The following MACROD2 variants were observed in gnomAD, a reference collection of about 807,000 sequenced individuals.
The protein encoded by MACROD2 is ADP-ribose glycohydrolase MACROD2.
A neutral mutation model predicts 70.4 loss-of-function variants in MACROD2; 36 were observed. The observed-to-expected ratio is 0.51, with a 90% confidence interval of 0.39 to 0.68. The LOEUF (loss-of-function observed/expected upper bound fraction) is 0.68, where lower values mean the gene tolerates loss of function less well. Among genes scored for constraint, MACROD2 ranks in the 30% least tolerant of loss-of-function variants. The pLI is 0.00. For missense variants in MACROD2, 496 were observed against 538.4 expected, an observed-to-expected ratio of 0.92 and a Z score of 0.78; for synonymous variants, 172 against 178.8, an observed-to-expected ratio of 0.96 and a Z score of 0.30.
chr20:14,815,498 T>G lies in MACROD2; in HGVS notation c.418+130539T>G, dbSNP rs996951925. ...TTCCCTGGAATTATGTGTGGGTGTG[T>G]GTGTGTGTGCACGCACATGTGCATA... On this transcript the variant is annotated intron_variant, in intron 5 of 17. Coordinates refer to ENST00000684519, the MANE Select transcript of MACROD2 (RefSeq NM_001351661.2). 3.3e-5 allele frequency among the ~76,000 whole-genome samples: 5 copies of G among 152,084 alleles called. No individual in the cohort carries two copies. In the East Asian group the frequency reaches 5.8e-4, roughly 18 times the overall value.
chr20:15,417,529 G>A (rs963352460), intron 6 of MACROD2, among the ~76,000 whole-genome samples: 2 of 143,740 alleles, frequency 1.4e-5, no homozygotes, highest in East Asian at 4.2e-4. Context: ...AGTCCCAGCA[G>A]TCAAAGCTGC....
At position 14,862,268 on chromosome 20, in the gene MACROD2, A is replaced by G. The variant is rs1444699217; in HGVS notation, c.418+177309A>G. ...ATATATTAATATATATAAATATATT[A>G]CTATGTATATTTATATATATTTATA... On this transcript the variant is annotated intron_variant, in intron 5 of 17. Coordinates refer to ENST00000684519, the MANE Select transcript of MACROD2 (RefSeq NM_001351661.2). Among the ~76,000 whole-genome samples the G allele has an allele frequency of 3.0e-4, 3 of 10,132 alleles. No homozygotes were observed. In the East Asian group the frequency reaches 7.6e-3, roughly 26 times the overall value. The allele number at this position is 10,132 out of a possible 152,430, so 6.6% of individuals were successfully genotyped here. A position where few individuals can be genotyped will look rare whatever the true frequency, so the allele number is the denominator to read the frequency against.
intron 5 of MACROD2, among the ~76,000 whole-genome samples, chr20:14,767,630 C>T (rs1411765619): frequency 6.6e-6 from 1 of 151,704 alleles, no homozygotes; most frequent in East Asian, 1.9e-4. Context: ...GTCTAATTTA[C>T]TTTCTTTCTT....
chr20:15,834,660 A>C (rs1432412491), intron 8 of MACROD2, among the ~76,000 whole-genome samples: 1 of 152,174 alleles, frequency 6.6e-6, no homozygotes, highest in Non-Finnish European at 1.5e-5. Context: ...TATTCTATCT[A>C]ACCATCTTTG....
intron 3 of MACROD2, among the ~76,000 whole-genome samples, chr20:14,427,372 C>A (rs963826023): frequency 1.3e-4 from 20 of 151,792 alleles, no homozygotes; most frequent in Admixed American, 5.9e-4. Context: ...TCTCTGGAAG[C>A]TCTCAGTTTT....
At chr20:15,883,317 A>T (rs1214644427) in intron 9 of MACROD2, among the ~76,000 whole-genome samples, 1 of 152,112 alleles carries the variant, frequency 6.6e-6, no homozygotes. Context: ...ATATTTAAAG[A>T]TGTTAAGTTC....
chr20:15,811,933 T>G (rs1044324994), intron 8 of MACROD2, among the ~76,000 whole-genome samples: 1 of 152,076 alleles, frequency 6.6e-6, no homozygotes, highest in Non-Finnish European at 1.5e-5. Flanking sequence ...CTACTAAAAG[T>G]TGAGTCAAGC....
intron 6 of MACROD2, among the ~76,000 whole-genome samples, chr20:15,393,918 A>T (rs1238454403): frequency 6.6e-6 from 1 of 152,142 alleles, no homozygotes; most frequent in South Asian, 2.1e-4. Flanking sequence ...GCACATATGC[A>T]TGTACCCTTG....
intron 3 of MACROD2, among the ~76,000 whole-genome samples, chr20:14,356,079 T>G (rs1568574522): frequency 6.6e-6 from 1 of 152,218 alleles, no homozygotes; most frequent in East Asian, 1.9e-4. Context: ...GTGCTAGTTT[T>G]GTAGCCAGAG....
intron 8 of MACROD2, among the ~76,000 whole-genome samples, chr20:15,609,953 C>T (rs1309454587): frequency 6.6e-6 from 1 of 152,176 alleles, no homozygotes; most frequent in Admixed American, 6.5e-5. Context: ...ATAGTCTGTG[C>T]ATTCTTCTAC....
chr20:15,275,383 G>T (rs1037237998), intron 6 of MACROD2, among the ~76,000 whole-genome samples: 1 of 152,138 alleles, frequency 6.6e-6, no homozygotes, highest in Admixed American at 6.5e-5. Context: ...TTAAGGAGGG[G>T]GGTAATTAGT....
intron 6 of MACROD2, among the ~76,000 whole-genome samples, chr20:15,303,564 T>C (rs529758276): frequency 6.6e-6 from 1 of 152,316 alleles, no homozygotes; most frequent in African/African-American, 2.4e-5. Context: ...ACAATCAAAA[T>C]AGCTAACTAA....
intron 8 of MACROD2, among the ~76,000 whole-genome samples, chr20:15,672,424 G>C (rs966732306): frequency 1.3e-4 from 19 of 150,428 alleles, no homozygotes; most frequent in African/African-American, 4.6e-4. Flanking sequence ...CATTTGATAG[G>C]AAGTTAAGTG....
intron 8 of MACROD2, among the ~76,000 whole-genome samples, chr20:15,853,064 A>G (rs1303136837): frequency 6.6e-6 from 1 of 152,160 alleles, no homozygotes; most frequent in East Asian, 1.9e-4. Flanking sequence ...TAACAGATAA[A>G]AAAGGTGCCC....
intron 5 of MACROD2, among the ~76,000 whole-genome samples, chr20:15,130,614 C>G (rs964831806): frequency 1.3e-5 from 2 of 151,902 alleles, no homozygotes; most frequent in African/African-American, 4.8e-5. Context: ...GGATAAAAAA[C>G]AGAATGACCA....
At chr20:15,838,762 G>A (rs896640466) in intron 8 of MACROD2, among the ~76,000 whole-genome samples, 1 of 152,150 alleles carries the variant, frequency 6.6e-6, no homozygotes, top group Admixed American at 6.5e-5. Flanking sequence ...AAGTTGTTCT[G>A]ATATAAGACA....
chr20:14,758,533 G>C (rs778241972), intron 5 of MACROD2, among the ~76,000 whole-genome samples: 7 of 152,110 alleles, frequency 4.6e-5, no homozygotes, highest in Non-Finnish European at 8.8e-5. Context: ...TTGACTTAAA[G>C]ATAATTAGTT....
chr20:14,281,303 A>T (rs1039051687), intron 3 of MACROD2, among the ~76,000 whole-genome samples: 20 of 152,214 alleles, frequency 1.3e-4, no homozygotes, highest in Admixed American at 1.3e-4. Flanking sequence ...CATCATGCTA[A>T]AAGAATACAG....
At chr20:15,215,021 A>G (rs1004338337) in intron 5 of MACROD2, among the ~76,000 whole-genome samples, 2 of 152,162 alleles carry the variant, frequency 1.3e-5, no homozygotes, top group Admixed American at 6.5e-5. Context: ...CTTGTAATTA[A>G]TGCATAATAA....
Sources: gnomAD v4.1 joint callset for allele counts (sites outside exome capture counted in the v4.1 genomes callset) on GRCh38, gnomAD v4.1.1 for gene constraint, MANE v1.5 for transcripts, NCBI Gene and HGNC (gene_info 2026-07-23, HGNC 2026-07-21) for gene names.